The following FAM171B variants were observed in gnomAD, a reference collection of about 807,000 sequenced individuals.
FAM171B encodes the protein family with sequence similarity 171 member B, also known as protein FAM171B.
A neutral mutation model predicts 75.6 loss-of-function variants in FAM171B; 19 were observed. The ratio of observed to expected loss-of-function variants is 0.25; its 90% CI spans 0.18 to 0.37. The LOEUF (loss-of-function observed/expected upper bound fraction) is 0.37, where lower values mean the gene tolerates loss of function less well. Ranked by LOEUF, FAM171B falls within the 10% of genes least tolerant of loss-of-function variation. The probability of loss-of-function intolerance (pLI) is 1.00; values close to 1 mark genes in which losing one functional copy is unlikely to be tolerated. For synonymous variants in FAM171B, 367 were observed against 361.7 expected (o/e 1.01, Z -0.17); for missense variants, 848 against 982.4 (o/e 0.86, Z 1.83).
At chr2:186,709,234 C>T (rs558964680) in intron 1 of FAM171B, among the ~76,000 whole-genome samples, 53 of 152,222 alleles carry the variant, frequency 3.5e-4, no homozygotes, top group African/African-American at 1.2e-3. Context: ...GCCCCATCTC[C>T]GACACTGAGG....
chr2:186,697,321 G>A (rs923043554), intron 1 of FAM171B, among the ~76,000 whole-genome samples: 1 of 152,050 alleles, frequency 6.6e-6, no homozygotes, highest in African/African-American at 2.4e-5. Flanking sequence ...GTGCAGTGGC[G>A]TGATCATGGC....
At chr2:186,694,484 C>T in intron 1 of FAM171B, 73 bp downstream of exon 1, 1 of 1,517,842 alleles carries the variant, frequency 6.6e-7, no homozygotes, top group Non-Finnish European at 8.9e-7. Flanking sequence ...GGCTTCCTCG[C>T]CCCTTCCCTA....
chr2:186,764,724 C>T lies in FAM171B; in HGVS notation c.*1901C>T, dbSNP rs1340818643. 6.6e-6 allele frequency: 1 copy of T among 151,550 alleles called. No homozygotes were observed. The highest frequency in any genetic ancestry group is 1.5e-5 in the Non-Finnish European group (1 of 67,788). 9.4% of individuals were successfully genotyped at this position (151,550 alleles called of 1,614,324 possible). ...GTGCAGTTTTATTAAAAATATAGAC[C>T]TAGTGTTTCATGTTGGAACAATAAA... is the stretch of plus-strand genomic sequence containing the variant. On this transcript the variant is annotated 3_prime_UTR_variant, in exon 8 of 8. Transcript: ENST00000304698.
rs771067269 is a variant in FAM171B at position 186,747,110 on chromosome 2, G to C, written c.584G>C (p.Ser195Thr). Residue 195 changes from serine to threonine, a missense_variant, in exon 4 of 8, where the codon AGT (serine) becomes ACT (threonine). By Grantham distance (58) the Ser-to-Thr change is moderately conservative. Coordinates refer to ENST00000304698, the MANE Select transcript of FAM171B (RefSeq NM_177454.4). ...GKLADAKSQP[S>T]VQFSKALIKL... ...TTTCCAGATGCCAAGTCTCAACCAA[G>C]TGTTCAGTTTTCAAAAGCCTTAATT... 2.5e-6 allele frequency: 4 copies of C among 1,593,604 alleles called. No individual in the cohort carries two copies. In the South Asian group the frequency reaches 4.6e-5, roughly 18 times the overall value.
chr2:186,722,502 A>G (rs550344905), intron 1 of FAM171B, among the ~76,000 whole-genome samples: 11 of 152,320 alleles, frequency 7.2e-5, no homozygotes, highest in African/African-American at 2.6e-4. Context: ...TTATTCTGTG[A>G]TCAACTGTTT....
At chr2:186,758,060 A>G (rs565764958) in intron 6 of FAM171B, among the ~76,000 whole-genome samples, 1 of 152,304 alleles carries the variant, frequency 6.6e-6, no homozygotes, top group South Asian at 2.1e-4. Context: ...ATCATGGCCA[A>G]TATTAGAGTG....
chr2:186,705,778 T>G (rs1304684017), intron 1 of FAM171B, among the ~76,000 whole-genome samples: 1 of 152,158 alleles, frequency 6.6e-6, no homozygotes, highest in Non-Finnish European at 1.5e-5. Context: ...CTCTAAACCC[T>G]TAAAAGATGT....
intron 1 of FAM171B, 37 bp downstream of exon 1, chr2:186,694,448 G>T (rs571270762): frequency 1.3e-6 from 2 of 1,589,610 alleles, no homozygotes; most frequent in South Asian, 1.1e-5. Flanking sequence ...TTTCAGTCTC[G>T]GCCGGCGATC....
chr2:186,743,965 G>A (rs1574109414), intron 3 of FAM171B, among the ~76,000 whole-genome samples: 1 of 152,062 alleles, frequency 6.6e-6, no homozygotes, highest in African/African-American at 2.4e-5. Flanking sequence ...TAAATTTGTC[G>A]CTTTTTGGGA....
rs1232995309 is a variant in FAM171B at position 186,747,176 on chromosome 2, A to G, written c.650A>G (p.Tyr217Cys). The G allele has an allele frequency of 1.2e-6, 2 of 1,608,678 alleles. No homozygotes were observed. Among genetic ancestry groups the G allele is most frequent in the South Asian group, 1.1e-5 (1 of 89,824 alleles). Residue 217 changes from tyrosine (Y) to cysteine (C), a missense_variant, in exon 4 of 8, where the codon TAT becomes TGT. By Grantham distance (194) the Tyr-to-Cys change is radical. This residue lies in a region of FAM171B where 665 missense variants were observed against 729.0 expected (regional missense o/e 0.91). Transcript: ENST00000304698. ...DNHHISNVTG[Y>C]LTVLQQFLKV... Reference sequence around the variant, plus strand: ...CATCATATTAGCAACGTTACTGGCTATCTTACAGTTCTACAACAGTTTTTG... The same window carrying G: ...CATCATATTAGCAACGTTACTGGCTGTCTTACAGTTCTACAACAGTTTTTG...
intron 1 of FAM171B, among the ~76,000 whole-genome samples, chr2:186,715,805 A>G (rs2105776802): frequency 6.6e-6 from 1 of 152,326 alleles, no homozygotes; most frequent in Middle Eastern, 3.4e-3. Flanking sequence ...AGCAGGAAAT[A>G]GGAACTAAGA....
chr2:186,758,094 C>A (rs1049094294), intron 6 of FAM171B, among the ~76,000 whole-genome samples: 2 of 151,894 alleles, frequency 1.3e-5, no homozygotes, highest in Non-Finnish European at 2.9e-5. Context: ...AACCTTAAAG[C>A]TTCATTCAAC....
At chr2:186,715,361 C>G (rs1004337807) in intron 1 of FAM171B, among the ~76,000 whole-genome samples, 1 of 152,134 alleles carries the variant, frequency 6.6e-6, no homozygotes, top group Non-Finnish European at 1.5e-5. Context: ...CGCCACCATG[C>G]CTGGCTAATT....
intron 1 of FAM171B, among the ~76,000 whole-genome samples, chr2:186,733,476 C>A (rs1387638457): frequency 1.3e-5 from 2 of 152,196 alleles, no homozygotes; most frequent in African/African-American, 2.4e-5. Context: ...ACTTTGCCAG[C>A]CAGAAACCTT....
At chr2:186,749,247 A>G (rs542460995) in intron 4 of FAM171B, among the ~76,000 whole-genome samples, 6 of 152,054 alleles carry the variant, frequency 3.9e-5, no homozygotes, top group East Asian at 1.9e-4. Flanking sequence ...TCTCCTTCTC[A>G]TTGTTTTTTT....
At chr2:186,734,296 G>A (rs969329170) in intron 1 of FAM171B, among the ~76,000 whole-genome samples, 1 of 151,982 alleles carries the variant, frequency 6.6e-6, no homozygotes, top group African/African-American at 2.4e-5. Context: ...GTAGCCCTCA[G>A]CAGAGAGGAG....
intron 1 of FAM171B, among the ~76,000 whole-genome samples, chr2:186,705,041 A>T (rs1440254637): frequency 6.6e-6 from 1 of 152,224 alleles, no homozygotes; most frequent in Non-Finnish European, 1.5e-5. Flanking sequence ...GAAGGAATTC[A>T]ATGGTGAGTC....
intron 1 of FAM171B, among the ~76,000 whole-genome samples, chr2:186,697,639 A>G (rs1689601974): frequency 6.6e-6 from 1 of 152,146 alleles, no homozygotes; most frequent in Admixed American, 6.6e-5. Context: ...TTCATTCTTT[A>G]CCGCTGTATG....
rs144296777 is a variant in FAM171B, at chr2:186,729,983, G to GTC, written c.239-10234_239-10233dup. Among the ~76,000 whole-genome samples, 773 of 152,048 alleles carry GTC rather than the reference G, an allele frequency of 5.1e-3. 30 individuals are homozygous for GTC. The East Asian group carries it at 0.091, about 18-fold the overall frequency. ...TTGTCTTGTTTGTTTTTGAGACAGA[G>GTC]TCTCTCTCTCTCACTCTAGCCAGGC... On this transcript the variant is annotated intron_variant, in intron 1 of 7. Coordinates refer to ENST00000304698, the MANE Select transcript of FAM171B (RefSeq NM_177454.4).
Sources: allele counts gnomAD v4.1 joint callset (sites outside exome capture counted in the v4.1 genomes callset), GRCh38; gene constraint gnomAD v4.1.1; regional missense constraint gnomAD v4.1.1; transcripts MANE v1.5; gene names NCBI Gene and HGNC (gene_info 2026-07-23, HGNC 2026-07-21).